LMTK2: variants seen among roughly 807,000 people sequenced by gnomAD.
LMTK2 encodes serine/threonine-protein kinase LMTK2.
A neutral mutation model predicts 127.5 loss-of-function variants in LMTK2; 37 were observed. The ratio of observed to expected loss-of-function variants is 0.29; its 90% CI spans 0.22 to 0.38. The LOEUF is 0.38. Among genes scored for constraint, LMTK2 ranks in the 10% least tolerant of loss-of-function variants. LMTK2 has a pLI of 1.00. For synonymous variants in LMTK2, 819 were observed against 810.1 expected, an observed-to-expected ratio of 1.01 and a Z score of -0.19; for missense variants, 1,694 against 1,920.3, an observed-to-expected ratio of 0.88 and a Z score of 2.20.
intron 2 of LMTK2, among the ~76,000 whole-genome samples, chr7:98,140,126 C>CG (rs1186292965): frequency 0.075 from 907 of 12,022 alleles, 200 homozygotes; most frequent in East Asian, 0.4. Context: ...TTCTTTCTTT[C>CG]TTTCTTTCTT....
intron 1 of LMTK2, 136 bp downstream of exon 1, chr7:98,107,416 T>G (rs534607079): frequency 7.4e-4 from 252 of 340,484 alleles, no homozygotes; most frequent in Admixed American, 1.9e-3. Context: ...GGCGAGTGAT[T>G]AGGGAGATTT....
chr7:98,116,709 A>G (rs1796292068), intron 1 of LMTK2, among the ~76,000 whole-genome samples: 1 of 152,254 alleles, frequency 6.6e-6, no homozygotes, highest in African/African-American at 2.4e-5. Flanking sequence ...CTAAGGAACA[A>G]GTATTAATAT....
chr7:98,109,197 T>G (rs1310855144), intron 1 of LMTK2, among the ~76,000 whole-genome samples: 1 of 152,156 alleles, frequency 6.6e-6, no homozygotes, highest in Admixed American at 6.5e-5. Flanking sequence ...TCCATTCTTT[T>G]ACAATTTTAT....
intron 7 of LMTK2, among the ~76,000 whole-genome samples, chr7:98,176,326 A>G (rs763754157): frequency 2.6e-5 from 4 of 152,216 alleles, no homozygotes; most frequent in Non-Finnish European, 5.9e-5. Context: ...TAAATATCAT[A>G]TGGACTAAGA....
chr7:98,184,571 A>G (rs1797405299), intron 7 of LMTK2, among the ~76,000 whole-genome samples: 1 of 152,106 alleles, frequency 6.6e-6, no homozygotes, highest in Non-Finnish European at 1.5e-5. Context: ...TGACTGAGCC[A>G]TTGTACATCT....
intron 7 of LMTK2, among the ~76,000 whole-genome samples, chr7:98,179,621 C>G (rs553278544): frequency 8.3e-6 from 1 of 120,150 alleles, no homozygotes; most frequent in South Asian, 2.9e-4. Context: ...CTTTCTCCCT[C>G]CCTCCCTTTC....
chr7:98,153,427 A>T (rs1412061721), intron 4 of LMTK2, among the ~76,000 whole-genome samples: 1 of 152,196 alleles, frequency 6.6e-6, no homozygotes, highest in African/African-American at 2.4e-5. Flanking sequence ...GAAGCCTGGG[A>T]GAATGAGGAT....
intron 1 of LMTK2, among the ~76,000 whole-genome samples, chr7:98,114,464 C>T (rs1182832730): frequency 6.6e-6 from 1 of 152,022 alleles, no homozygotes; most frequent in Non-Finnish European, 1.5e-5. Context: ...AGGCTGGTCT[C>T]AAACTCCTGG....
chr7:98,130,415 AT>A (rs1562899234), intron 1 of LMTK2, among the ~76,000 whole-genome samples: 5 of 152,126 alleles, frequency 3.3e-5, no homozygotes, highest in Non-Finnish European at 5.9e-5. Context: ...AGCTGCTGTT[AT>A]ATGTGCACCT....
At chr7:98,181,699 G>T (rs1343390999) in intron 7 of LMTK2, among the ~76,000 whole-genome samples, 1 of 151,946 alleles carries the variant, frequency 6.6e-6, no homozygotes, top group Non-Finnish European at 1.5e-5. Context: ...TCGCTCTGTT[G>T]CCAGGCTGGA....
intron 2 of LMTK2, among the ~76,000 whole-genome samples, chr7:98,140,136 T>G (rs768149158): frequency 0.016 from 200 of 12,220 alleles, 1 homozygote; most frequent in East Asian, 0.07. Context: ...CTTTCTTTCT[T>G]TCTTTCTTTT....
At position 98,193,270 on chromosome 7, in the gene LMTK2, C is replaced by G. The variant is rs769430942; in HGVS notation, c.2805C>G (p.His935Gln). The G allele has an allele frequency of 6.2e-7, 1 of 1,613,652 alleles. No homozygotes were observed. The highest frequency in any genetic ancestry group is 1.7e-5 in the Admixed American group (1 of 60,014). Reference protein sequence around the residue: ...LHNKPFSEDHHSHRRLEKNLE... With the variant: ...LHNKPFSEDHQSHRRLEKNLE... ...ATAAACCATTTTCGGAAGACCATCACAGTCATCGCCGGCTAGAGAAAAACT... is the reference window on the plus strand; with the variant it reads ...ATAAACCATTTTCGGAAGACCATCAGAGTCATCGCCGGCTAGAGAAAAACT... Residue 935 changes from histidine to glutamine, a missense_variant, in exon 11 of 14, where the codon CAC becomes CAG. Around this residue, in one of 8 missense-constraint regions of LMTK2, gnomAD observed 527 missense variants for 539.8 expected, o/e 0.98. Transcript: ENST00000297293. This position sits in a 1 kb window ranked among gnomAD's most constrained non-coding sequence, Gnocchi z 4.1.
intron 7 of LMTK2, among the ~76,000 whole-genome samples, chr7:98,178,188 C>T (rs181281383): frequency 3.3e-5 from 5 of 152,226 alleles, no homozygotes; most frequent in South Asian, 2.1e-4. Context: ...AGTAACTTTC[C>T]GGTATTTTGC....
chr7:98,204,111 C>G lies in LMTK2; in HGVS notation c.4408C>G (p.Arg1470Gly), dbSNP rs747241242. The change falls in exon 13 of 14, where the codon CGG (arginine) becomes GGG (glycine). Residue 1470 changes from arginine to glycine, a missense_variant. Arg to Gly is a moderately radical substitution (Grantham distance 125). Around this residue, in one of 8 missense-constraint regions of LMTK2, gnomAD observed 554 missense variants for 567.7 expected, o/e 0.98. Transcript: ENST00000297293. Reference sequence around the variant, plus strand: ...CTGGCCGCACTCGGCGCCTTACTCCCGGTTCTCCATCTCTCCCGCCAACAT... The same window carrying G: ...CTGGCCGCACTCGGCGCCTTACTCCGGGTTCTCCATCTCTCCCGCCAACAT... Reference protein sequence around the residue: ...QSWPHSAPYSRFSISPANIAS... With the variant: ...QSWPHSAPYSGFSISPANIAS... 2 of 1,612,874 alleles carry G rather than the reference C, an allele frequency of 1.2e-6. No homozygotes were observed. Among genetic ancestry groups the G allele is most frequent in the South Asian group, 1.1e-5 (1 of 91,082 alleles).
chr7:98,165,684 C>G (rs1451895679), intron 6 of LMTK2, among the ~76,000 whole-genome samples: 1 of 152,056 alleles, frequency 6.6e-6, no homozygotes, highest in Non-Finnish European at 1.5e-5. Flanking sequence ...GCAGAAATGC[C>G]TAATTAATGG....
At chr7:98,114,252 T>G (rs1188931488) in intron 1 of LMTK2, among the ~76,000 whole-genome samples, 1 of 151,260 alleles carries the variant, frequency 6.6e-6, no homozygotes, top group Non-Finnish European at 1.5e-5. Flanking sequence ...TTTTTTTTTT[T>G]TTTTTTGAGA....
intron 5 of LMTK2, among the ~76,000 whole-genome samples, chr7:98,155,571 G>A (rs529140953): frequency 4.0e-5 from 6 of 151,862 alleles, no homozygotes; most frequent in African/African-American, 9.6e-5. Flanking sequence ...TACCTATAGC[G>A]GGAAGCAATG....
chr7:98,118,563 A>G (rs1360664826), intron 1 of LMTK2, among the ~76,000 whole-genome samples: 1 of 152,130 alleles, frequency 6.6e-6, no homozygotes, highest in African/African-American at 2.4e-5. Context: ...TCAAACATAC[A>G]GAAAAATAGA....
intron 2 of LMTK2, among the ~76,000 whole-genome samples, chr7:98,140,497 T>G (rs1796680383): frequency 6.6e-6 from 1 of 152,114 alleles, no homozygotes; most frequent in Admixed American, 6.5e-5. Context: ...CCAGACGTGC[T>G]TATATGTTAA....
Sources: allele counts gnomAD v4.1 joint callset (sites outside exome capture counted in the v4.1 genomes callset), GRCh38; gene constraint gnomAD v4.1.1; regional missense constraint gnomAD v4.1.1; non-coding constraint Gnocchi (gnomAD v3.1); transcripts MANE v1.5; gene names NCBI Gene and HGNC (gene_info 2026-07-23, HGNC 2026-07-21).